CPQ: variants seen among roughly 807,000 people sequenced by gnomAD.
CPQ encodes carboxypeptidase Q.
A neutral mutation model predicts 45.7 loss-of-function variants in CPQ; 37 were observed. The observed-to-expected ratio is 0.81, with a 90% confidence interval of 0.62 to 1.07. The LOEUF (loss-of-function observed/expected upper bound fraction) is 1.07. CPQ is among the 50% of genes least tolerant of loss of function. The pLI is 0.00. For missense variants in CPQ, 537 were observed against 572.9 expected, an observed-to-expected ratio of 0.94 and a Z score of 0.64; for synonymous variants, 186 against 205.8, an observed-to-expected ratio of 0.90 and a Z score of 0.82.
Position 96,745,572 on chromosome 8 carries a change from A to C in CPQ, c.-34-39292A>C, listed in dbSNP as rs547861724. On this transcript the variant is annotated intron_variant, in intron 1 of 7. Transcript: ENST00000220763. ...CAACAAACCACTGAGGGAAGGGCTCATCATCCTTATTTCATAGGTGAGAAA... is the reference window on the plus strand; with the variant it reads ...CAACAAACCACTGAGGGAAGGGCTCCTCATCCTTATTTCATAGGTGAGAAA... Among the ~76,000 whole-genome samples, 14 of 152,308 alleles carry C rather than the reference A, an allele frequency of 9.2e-5. No individual in the cohort carries two copies. In the South Asian group the frequency reaches 2.7e-3, roughly 29 times the overall value.
At chr8:96,679,504 T>C (rs1425696201) in intron 1 of CPQ, among the ~76,000 whole-genome samples, 2 of 152,162 alleles carry the variant, frequency 1.3e-5, no homozygotes, top group Non-Finnish European at 2.9e-5. Context: ...TTTTTGTTAG[T>C]TCTTCTTCAT....
intron 4 of CPQ, among the ~76,000 whole-genome samples, chr8:96,911,861 C>A (rs1231650020): frequency 1.3e-5 from 2 of 152,090 alleles, no homozygotes; most frequent in Non-Finnish European, 2.9e-5. Flanking sequence ...TATAAAGCAG[C>A]CCAGAAGCAG....
chr8:96,765,559 A>G (rs766703947), intron 1 of CPQ, among the ~76,000 whole-genome samples: 1 of 152,090 alleles, frequency 6.6e-6, no homozygotes, highest in Non-Finnish European at 1.5e-5. Flanking sequence ...ATTTTCAACC[A>G]GGGAATAGCT....
At chr8:97,045,607 G>A (rs1810238883) in intron 6 of CPQ, among the ~76,000 whole-genome samples, 2 of 152,230 alleles carry the variant, frequency 1.3e-5, no homozygotes, top group African/African-American at 2.4e-5. Context: ...GTAGACCAGA[G>A]CTGTTCCTAT....
chr8:97,043,869 G>T (rs535094878), intron 6 of CPQ, among the ~76,000 whole-genome samples: 3 of 152,320 alleles, frequency 2.0e-5, no homozygotes, highest in Non-Finnish European at 4.4e-5. Flanking sequence ...AGTCTTATGG[G>T]CTTCCCTTTG....
intron 6 of CPQ, among the ~76,000 whole-genome samples, chr8:97,057,520 T>C (rs1810476697): frequency 6.6e-6 from 1 of 152,178 alleles, no homozygotes; most frequent in African/African-American, 2.4e-5. Flanking sequence ...TCAATCACGC[T>C]CTCACATTGG....
intron 3 of CPQ, among the ~76,000 whole-genome samples, chr8:96,863,811 G>A (rs895243305): frequency 4.6e-5 from 7 of 152,030 alleles, no homozygotes; most frequent in Non-Finnish European, 7.4e-5. Context: ...GTTTTATGGA[G>A]AATGGATGGT....
intron 2 of CPQ, among the ~76,000 whole-genome samples, chr8:96,825,563 A>C (rs934178480): frequency 6.6e-6 from 1 of 152,070 alleles, no homozygotes; most frequent in African/African-American, 2.4e-5. Context: ...AACATCAATA[A>C]TTGGATTTGT....
At chr8:97,093,143 G>C (rs1373424070) in intron 7 of CPQ, among the ~76,000 whole-genome samples, 1 of 152,122 alleles carries the variant, frequency 6.6e-6, no homozygotes. Flanking sequence ...AGTCAGAGTG[G>C]CTATTACTAC....
chr8:96,846,119 CCTAA>C (rs1811685930), intron 3 of CPQ, among the ~76,000 whole-genome samples: 1 of 152,166 alleles, frequency 6.6e-6, no homozygotes, highest in African/African-American at 2.4e-5. Context: ...CGCCCAGCCT[CCTAA>C]CTTTTTTTAA....
In CPQ at chr8:96,925,599, T is replaced by G. The variant is rs1192459651; in HGVS notation, c.850-40336T>G. On this transcript the variant is annotated intron_variant, in intron 4 of 7. Coordinates refer to ENST00000220763, the MANE Select transcript of CPQ (RefSeq NM_016134.4). The stretch of plus-strand genomic sequence containing the variant: ...GGTTTTGCCAGGTTAGCCAGGCTGG[T>G]CTCGACCTCCTGACCTCAAGTGATC... Among the ~76,000 whole-genome samples the G allele has an allele frequency of 2.0e-5, 3 of 152,132 alleles. No individual in the cohort carries two copies. The East Asian group carries it at 5.8e-4, about 29-fold the overall frequency.
intron 2 of CPQ, among the ~76,000 whole-genome samples, chr8:96,817,466 G>C (rs1407089241): frequency 1.3e-5 from 2 of 152,138 alleles, no homozygotes; most frequent in African/African-American, 2.4e-5. Flanking sequence ...GAATTGAAGA[G>C]AGTTAGGGCT....
intron 3 of CPQ, among the ~76,000 whole-genome samples, chr8:96,852,976 C>T (rs997118153): frequency 6.6e-6 from 1 of 152,228 alleles, no homozygotes; most frequent in Non-Finnish European, 1.5e-5. Flanking sequence ...CTTATTACTA[C>T]TGATGCTTCC....
intron 1 of CPQ, among the ~76,000 whole-genome samples, chr8:96,774,668 T>C (rs148142815): frequency 2.0e-4 from 31 of 152,272 alleles, no homozygotes; most frequent in African/African-American, 7.2e-4. Context: ...TTCTAACTTA[T>C]TGACTAGGGT....
chr8:96,784,165 T>C (rs576081884), intron 1 of CPQ, among the ~76,000 whole-genome samples: 119 of 152,168 alleles, frequency 7.8e-4, no homozygotes, highest in African/African-American at 2.8e-3. Flanking sequence ...ACTATATAAA[T>C]GCTTCCTGTT....
intron 1 of CPQ, among the ~76,000 whole-genome samples, chr8:96,748,583 A>G (rs1407023301): frequency 6.6e-6 from 1 of 152,140 alleles, no homozygotes; most frequent in Non-Finnish European, 1.5e-5. Flanking sequence ...CAAGCACTGG[A>G]TTTAGTTTGG....
chr8:96,750,709 TTGC>T (rs1280333355), intron 1 of CPQ, among the ~76,000 whole-genome samples: 8 of 151,976 alleles, frequency 5.3e-5, no homozygotes, highest in Non-Finnish European at 1.2e-4. Context: ...CCATGGTGGT[TTGC>T]TGCACAGATC....
At chr8:96,963,517 A>T (rs1813498185) in intron 4 of CPQ, among the ~76,000 whole-genome samples, 1 of 152,196 alleles carries the variant, frequency 6.6e-6, no homozygotes, top group African/African-American at 2.4e-5. Flanking sequence ...CTGCTCAGTG[A>T]ATCATTCAGT....
At chr8:97,040,335 T>A (rs1810096048) in intron 6 of CPQ, among the ~76,000 whole-genome samples, 1 of 151,984 alleles carries the variant, frequency 6.6e-6, no homozygotes, top group Non-Finnish European at 1.5e-5. Context: ...GGGTTGTTTG[T>A]TTTTTTCTTG....
Sources: gnomAD v4.1 joint callset for allele counts (sites outside exome capture counted in the v4.1 genomes callset) on GRCh38, gnomAD v4.1.1 for gene constraint, MANE v1.5 for transcripts, NCBI Gene and HGNC (gene_info 2026-07-23, HGNC 2026-07-21) for gene names.